The following FHIT variants were observed in gnomAD, a reference collection of about 807,000 sequenced individuals.
The protein encoded by FHIT is bis(5'-adenosyl)-triphosphatase.
A neutral mutation model predicts 17.9 loss-of-function variants in FHIT; 19 were observed. The observed-to-expected ratio is 1.06, with a 90% CI of 0.74 to 1.56. The LOEUF (loss-of-function observed/expected upper bound fraction) is 1.56, where lower values mean the gene tolerates loss of function less well. Ranked by LOEUF, FHIT falls within the 40% of genes most tolerant of loss-of-function variation. FHIT has a pLI of 0.00. For missense variants in FHIT, 248 were observed against 189.2 expected (o/e 1.31, Z -1.82); for synonymous variants, 81 against 69.7 (o/e 1.16, Z -0.81).
At chr3:59,947,965 T>C (rs1442887892) in intron 7 of FHIT, among the ~76,000 whole-genome samples, 1 of 152,192 alleles carries the variant, frequency 6.6e-6, no homozygotes, top group African/African-American at 2.4e-5. Context: ...CAAGCTGTTT[T>C]GTGTATTAAT....
intron 3 of FHIT, among the ~76,000 whole-genome samples, chr3:60,867,607 G>A (rs1704222695): frequency 6.6e-6 from 1 of 152,166 alleles, no homozygotes; most frequent in African/African-American, 2.4e-5. Context: ...GCACATCTCA[G>A]CCTCTTATGA....
intron 4 of FHIT, among the ~76,000 whole-genome samples, chr3:60,633,164 C>T (rs2039490805): frequency 6.6e-6 from 1 of 152,118 alleles, no homozygotes; most frequent in South Asian, 2.1e-4. Flanking sequence ...AAGAAATGTG[C>T]CCAAAATATC....
At chr3:60,227,888 T>G (rs1351848045) in intron 5 of FHIT, among the ~76,000 whole-genome samples, 1 of 152,210 alleles carries the variant, frequency 6.6e-6, no homozygotes, top group Non-Finnish European at 1.5e-5. Flanking sequence ...TCTGCTTCCT[T>G]TTCTTGATGG....
At chr3:61,179,794 T>A (rs979025394) in intron 2 of FHIT, among the ~76,000 whole-genome samples, 1 of 142,276 alleles carries the variant, frequency 7.0e-6, no homozygotes, top group Non-Finnish European at 1.5e-5. Context: ...TGAGTCAAGA[T>A]AGTGACAGCC....
At position 60,883,177 on chromosome 3, in the gene FHIT, C is replaced by T. The variant is rs184707639; in HGVS notation, c.-110-61166G>A. 1.7e-3 allele frequency among the ~76,000 whole-genome samples: 264 copies of T among 152,074 alleles called. 1 individual carries two copies. Among genetic ancestry groups the T allele is most frequent in the Admixed American group, 0.011 (166 of 15,252 alleles). ...ATCTAACCAAGGAAGCAAAAGATCT[C>T]TACAATTAAATGACAGGACACTGAT... On this transcript the variant is annotated intron_variant, in intron 3 of 9. Transcript: ENST00000492590.
rs550523862 is a variant in FHIT at position 60,414,788 on chromosome 3, A to G, written c.103+122072T>C. On this transcript the variant is annotated intron_variant, in intron 5 of 9. Transcript: ENST00000492590. Reference sequence around the variant, plus strand: ...TCTGTTAATAGTAGAAGATGTGAGCATGCAATTATTGTAAGAATGATCTAA... The same window carrying G: ...TCTGTTAATAGTAGAAGATGTGAGCGTGCAATTATTGTAAGAATGATCTAA... 4.6e-5 allele frequency among the ~76,000 whole-genome samples: 7 copies of G among 152,316 alleles called. No individual in the cohort carries two copies. The South Asian group carries it at 8.3e-4, about 18-fold the overall frequency.
At chr3:60,394,052 G>C (rs1299680566) in intron 5 of FHIT, among the ~76,000 whole-genome samples, 1 of 152,154 alleles carries the variant, frequency 6.6e-6, no homozygotes, top group Admixed American at 6.6e-5. Flanking sequence ...AGTCTCTCAG[G>C]ATAGGCTTAT....
rs926481225 is a variant in FHIT, at chr3:60,366,538, G to A, written c.103+170322C>T. On this transcript the variant is annotated intron_variant, in intron 5 of 9. Transcript: ENST00000492590. ...GAGGTGGGACCTCTAACAGTGATTA[G>A]GTTATGGTGCTCTACCCTCATGAAT... Among the ~76,000 whole-genome samples the A allele has an allele frequency of 7.2e-5, 11 of 152,264 alleles. 1 individual carries two copies. The highest frequency in any genetic ancestry group is 5.2e-4 in the Admixed American group (8 of 15,292).
intron 1 of FHIT, among the ~76,000 whole-genome samples, chr3:61,217,955 T>A (rs140449598): frequency 3.9e-5 from 6 of 152,304 alleles, no homozygotes; most frequent in South Asian, 2.1e-4. Flanking sequence ...TAAATCCCAC[T>A]GGATGAAGGT....
chr3:60,825,465 A>G (rs2594138), intron 3 of FHIT, among the ~76,000 whole-genome samples: 152,301 of 152,312 alleles, frequency 1, 76,145 homozygotes, highest in Middle Eastern at 1. Context: ...TGTATTCATT[A>G]TAGGTCGGGG....
At chr3:60,775,253 G>A (rs1267237098) in intron 4 of FHIT, among the ~76,000 whole-genome samples, 1 of 152,178 alleles carries the variant, frequency 6.6e-6, no homozygotes, top group African/African-American at 2.4e-5. Context: ...GTAAACACCA[G>A]GTAAAAATTG....
intron 7 of FHIT, among the ~76,000 whole-genome samples, chr3:59,987,725 T>C (rs1371274982): frequency 6.6e-6 from 1 of 152,026 alleles, no homozygotes; most frequent in Admixed American, 6.6e-5. Flanking sequence ...TTTGTAGTAA[T>C]TTGAAAGAAG....
chr3:60,840,540 G>T (rs1318082534), intron 3 of FHIT, among the ~76,000 whole-genome samples: 1 of 152,144 alleles, frequency 6.6e-6, no homozygotes, highest in African/African-American at 2.4e-5. Context: ...AATGTCAAAG[G>T]TTTTTATATC....
intron 5 of FHIT, among the ~76,000 whole-genome samples, chr3:60,529,201 C>A (rs2035681025): frequency 6.6e-6 from 1 of 152,024 alleles, no homozygotes; most frequent in Non-Finnish European, 1.5e-5. Flanking sequence ...AAGGAAATGG[C>A]AGCTAAGTAA....
At chr3:60,557,367 A>C (rs2107636672) in intron 4 of FHIT, among the ~76,000 whole-genome samples, 1 of 152,184 alleles carries the variant, frequency 6.6e-6, no homozygotes. Flanking sequence ...AAATGTCTAC[A>C]TCCTGGTGGG....
chr3:60,120,548 G>A (rs931411740), intron 5 of FHIT, among the ~76,000 whole-genome samples: 5 of 152,220 alleles, frequency 3.3e-5, no homozygotes, highest in Admixed American at 1.3e-4. Context: ...TTAAGAGTAC[G>A]ACAGCAGCGA....
intron 4 of FHIT, among the ~76,000 whole-genome samples, chr3:60,608,896 G>A (rs149106012): frequency 1.7e-4 from 26 of 151,880 alleles, no homozygotes; most frequent in African/African-American, 6.3e-4. Flanking sequence ...CTTCATAATA[G>A]GTAACATGAT....
At position 59,747,897 on chromosome 3, in the gene FHIT, C is replaced by G. The variant is rs1700691293; in HGVS notation, c.*1688G>C. ...AGATCTGGCCTCCACTGCTGTTTCT[C>G]CAAAGTTGGGAGTCAGTCATATTCC... On this transcript the variant is annotated 3_prime_UTR_variant, in exon 10 of 10. Coordinates refer to ENST00000492590, the MANE Select transcript of FHIT (RefSeq NM_002012.4). Among the ~76,000 whole-genome samples, 1 of 152,118 alleles carries G rather than the reference C, an allele frequency of 6.6e-6. No homozygotes were observed. The highest frequency in any genetic ancestry group is 1.5e-5 in the Non-Finnish European group (1 of 68,016).
chr3:60,544,787 G>C (rs957868377), intron 4 of FHIT, among the ~76,000 whole-genome samples: 36 of 151,840 alleles, frequency 2.4e-4, no homozygotes, highest in African/African-American at 8.7e-4. Flanking sequence ...AGTAGAGACA[G>C]TGTTTTACCA....
Sources: allele counts gnomAD v4.1 joint callset (sites outside exome capture counted in the v4.1 genomes callset), GRCh38; gene constraint gnomAD v4.1.1; transcripts MANE v1.5; gene names NCBI Gene and HGNC (gene_info 2026-07-23, HGNC 2026-07-21).